Variants in SLC35F1 observed in about 807,000 individuals in gnomAD.
The protein encoded by SLC35F1 is chromosome 6 open reading frame 169.
A neutral mutation model predicts 48.7 loss-of-function variants in SLC35F1; 14 were observed. That is an observed-to-expected ratio of 0.29 (90% CI 0.19 to 0.45). The LOEUF (loss-of-function observed/expected upper bound fraction) is 0.45. SLC35F1 is among the 20% of genes least tolerant of loss of function. SLC35F1 has a pLI of 1.00. For missense variants in SLC35F1, 404 were observed against 500.0 expected, an observed-to-expected ratio of 0.81 and a Z score of 1.83; for synonymous variants, 190 against 202.2, an observed-to-expected ratio of 0.94 and a Z score of 0.51.
At chr6:118,039,680 T>C (rs1470980550) in intron 1 of SLC35F1, among the ~76,000 whole-genome samples, 2 of 151,982 alleles carry the variant, frequency 1.3e-5, no homozygotes, top group Non-Finnish European at 2.9e-5. Flanking sequence ...GTTTAAAATA[T>C]CTGGTTTGGT....
At chr6:118,297,691 TTA>T (rs1223630811) in intron 7 of SLC35F1, among the ~76,000 whole-genome samples, 9 of 114,456 alleles carry the variant, frequency 7.9e-5, no homozygotes, top group Non-Finnish European at 1.4e-4. Context: ...GAAATATATA[TTA>T]TATATATAAG....
intron 1 of SLC35F1, among the ~76,000 whole-genome samples, chr6:118,001,840 A>T (rs1455560526): frequency 6.6e-6 from 1 of 152,068 alleles, no homozygotes; most frequent in Non-Finnish European, 1.5e-5. Context: ...GCCAAAAAAC[A>T]TATGAAAAAA....
intron 1 of SLC35F1, among the ~76,000 whole-genome samples, chr6:117,932,457 A>G (rs1320318861): frequency 6.6e-6 from 1 of 152,210 alleles, no homozygotes; most frequent in South Asian, 2.1e-4. Flanking sequence ...TCTCTTAACC[A>G]TCATACTATA....
In SLC35F1 at chr6:118,275,628, A is replaced by C; in HGVS notation, c.794+13A>C. On this transcript the variant is annotated intron_variant, in intron 5 of 7. Transcript: ENST00000360388. ...GTGGAATTCAATTGTGAGTAAAAATAACAAGAAATATAGATAGTAGAGGGA... is the reference window on the plus strand; with the variant it reads ...GTGGAATTCAATTGTGAGTAAAAATCACAAGAAATATAGATAGTAGAGGGA... 1 of 1,612,776 alleles carries C rather than the reference A, an allele frequency of 6.2e-7. No individual in the cohort carries two copies. Among genetic ancestry groups the C allele is most frequent in the Non-Finnish European group, 8.5e-7 (1 of 1,179,122 alleles).
At chr6:118,185,521 A>C (rs1307494352) in intron 2 of SLC35F1, among the ~76,000 whole-genome samples, 1 of 152,198 alleles carries the variant, frequency 6.6e-6, no homozygotes, top group African/African-American at 2.4e-5. Context: ...AAACAGTGTT[A>C]AGTTGCTCTC....
rs1582633992 is a variant in SLC35F1 at position 118,041,305 on chromosome 6, T to C, written c.174-113140T>C. Among the ~76,000 whole-genome samples, 9 of 152,284 alleles carry C rather than the reference T, an allele frequency of 5.9e-5. 1 individual carries two copies. The South Asian group carries it at 1.9e-3, about 32-fold the overall frequency. ...TATTTTATATATTTACTTAAAGATA[T>C]CTTATAAATTTACATCTTTGGTAAT... is the stretch of plus-strand genomic sequence containing the variant. On this transcript the variant is annotated intron_variant, in intron 1 of 7. Transcript: ENST00000360388.
intron 1 of SLC35F1, among the ~76,000 whole-genome samples, chr6:118,099,853 A>G (rs1773231606): frequency 1.3e-5 from 2 of 152,164 alleles, no homozygotes; most frequent in South Asian, 4.1e-4. Context: ...CTCTAAAAAC[A>G]GTGGTGGAAA....
intron 1 of SLC35F1, among the ~76,000 whole-genome samples, chr6:118,062,103 T>C (rs1772550116): frequency 6.6e-6 from 1 of 152,196 alleles, no homozygotes; most frequent in South Asian, 2.1e-4. Context: ...CATATGTATA[T>C]AACATTTGGG....
intron 2 of SLC35F1, among the ~76,000 whole-genome samples, chr6:118,190,887 G>A (rs550171742): frequency 6.6e-6 from 1 of 152,172 alleles, no homozygotes; most frequent in African/African-American, 2.4e-5. Context: ...TTTCTCCATA[G>A]GCCATGAGTG....
intron 1 of SLC35F1, among the ~76,000 whole-genome samples, chr6:118,048,230 G>A (rs1347108883): frequency 5.9e-5 from 9 of 152,130 alleles, no homozygotes; most frequent in African/African-American, 2.2e-4. Context: ...CAGGGATGAA[G>A]CCCACTTGAT....
intron 2 of SLC35F1, among the ~76,000 whole-genome samples, chr6:118,188,665 T>C (rs977157971): frequency 6.6e-6 from 1 of 152,216 alleles, no homozygotes; most frequent in Non-Finnish European, 1.5e-5. Context: ...CAAGATCTTT[T>C]AAGGCTGAAT....
chr6:118,153,517 A>G (rs1774094164), intron 1 of SLC35F1, among the ~76,000 whole-genome samples: 1 of 152,200 alleles, frequency 6.6e-6, no homozygotes, highest in African/African-American at 2.4e-5. Context: ...TAAACCAGAC[A>G]AGTCAGATGT....
chr6:118,104,508 T>G (rs1427102904), intron 1 of SLC35F1, among the ~76,000 whole-genome samples: 1 of 152,180 alleles, frequency 6.6e-6, no homozygotes, highest in African/African-American at 2.4e-5. Flanking sequence ...CTTTATATAC[T>G]TAGAGAAGAT....
chr6:118,257,738 G>GA (rs1366549597), intron 3 of SLC35F1, among the ~76,000 whole-genome samples: 3 of 152,128 alleles, frequency 2.0e-5, no homozygotes, highest in Non-Finnish European at 4.4e-5. Context: ...CATTTTATTA[G>GA]AATGAAAACA....
intron 1 of SLC35F1, among the ~76,000 whole-genome samples, chr6:118,083,882 C>T (rs147957250): frequency 2.5e-4 from 38 of 152,280 alleles, no homozygotes; most frequent in African/African-American, 8.2e-4. Context: ...CATGATTTCA[C>T]CATTTATTCT....
At chr6:118,090,964 G>A (rs1773064974) in intron 1 of SLC35F1, among the ~76,000 whole-genome samples, 1 of 152,084 alleles carries the variant, frequency 6.6e-6, no homozygotes, top group Non-Finnish European at 1.5e-5. Flanking sequence ...AAGTGGAATA[G>A]AGTTTGAAGG....
chr6:118,132,978 A>C (rs1773737510), intron 1 of SLC35F1, among the ~76,000 whole-genome samples: 2 of 152,182 alleles, frequency 1.3e-5, no homozygotes, highest in Non-Finnish European at 2.9e-5. Flanking sequence ...TGGGAAAGGC[A>C]GTCCTTCCAG....
intron 1 of SLC35F1, among the ~76,000 whole-genome samples, chr6:118,090,870 C>T (rs116766183): frequency 0.011 from 1,691 of 152,146 alleles, 27 homozygotes; most frequent in African/African-American, 0.039. Flanking sequence ...AGACTCACCA[C>T]GATGTTATTG....
At chr6:118,283,680 G>T (rs984339534) in intron 6 of SLC35F1, among the ~76,000 whole-genome samples, 2 of 152,180 alleles carry the variant, frequency 1.3e-5, no homozygotes, top group Non-Finnish European at 2.9e-5. Flanking sequence ...CTTGTCCCTA[G>T]TCTGTTAATC....
Sources: allele counts gnomAD v4.1 joint callset (sites outside exome capture counted in the v4.1 genomes callset), GRCh38; gene constraint gnomAD v4.1.1; transcripts MANE v1.5; gene names NCBI Gene and HGNC (gene_info 2026-07-23, HGNC 2026-07-21).